Variants in DOCK8 observed in about 807,000 individuals in gnomAD.
The protein encoded by DOCK8 is dedicator of cytokinesis 8, also known as dedicator of cytokinesis protein 8.
A neutral mutation model predicts 245.6 loss-of-function variants in DOCK8; 141 were observed. The ratio of observed to expected loss-of-function variants is 0.57; its 90% CI spans 0.50 to 0.66. The LOEUF (loss-of-function observed/expected upper bound fraction) is 0.66. Ranked by LOEUF, DOCK8 falls within the 30% of genes least tolerant of loss-of-function variation. DOCK8 has a pLI of 0.00. For missense variants in DOCK8, 2,965 were observed against 2,603.4 expected (o/e 1.14, Z -3.02); for synonymous variants, 1,168 against 970.2 (o/e 1.20, Z -3.79).
intron 4 of DOCK8, among the ~76,000 whole-genome samples, chr9:293,679 C>G (rs2049138919): frequency 6.6e-6 from 1 of 152,256 alleles, no homozygotes; most frequent in South Asian, 2.1e-4. Flanking sequence ...TCCATCTGAT[C>G]CACAGAGGTT....
intron 1 of DOCK8, among the ~76,000 whole-genome samples, chr9:249,258 C>A (rs892125698): frequency 1.4e-4 from 21 of 151,834 alleles, no homozygotes; most frequent in African/African-American, 4.1e-4. Flanking sequence ...CCCAAGGTGC[C>A]ACGCCCAGTT....
At chr9:226,316 A>G (rs550016656) in intron 1 of DOCK8, among the ~76,000 whole-genome samples, 58 of 152,312 alleles carry the variant, frequency 3.8e-4, no homozygotes, top group African/African-American at 9.4e-4. Context: ...CCATGATTCA[A>G]TTATCTCGCA....
intron 1 of DOCK8, chr9:267,906 A>ACGGTGGGCCGGGCG: frequency 6.6e-6 from 1 of 152,224 alleles, no homozygotes; most frequent in East Asian, 1.9e-4. Flanking sequence ...TATGAATTCC[A>ACGGTGGGCCGGGCG]CGGTGTATAT....
intron 7 of DOCK8, among the ~76,000 whole-genome samples, chr9:324,009 C>T (rs1363877722): frequency 2.0e-5 from 3 of 152,190 alleles, no homozygotes; most frequent in East Asian, 1.9e-4. Context: ...CATCATTATA[C>T]GTGATCCTCA....
In DOCK8 at chr9:449,369, ATAAG is replaced by A. The variant is rs577635884; in HGVS notation, c.5818-409_5818-406del. 2.7e-3 allele frequency among the ~76,000 whole-genome samples: 337 copies of A among 125,622 alleles called. 4 individuals are homozygous for A. The highest frequency in any genetic ancestry group is 0.015 in the East Asian group (53 of 3,420). 82.4% of individuals were successfully genotyped at this position (125,622 alleles called of 152,430 possible). A position where few individuals can be genotyped will look rare whatever the true frequency, so the allele number is the denominator to read the frequency against. ...CCATCTCAAATAAATAAATAAATAAATAAGTAAGTTGAGTAACTTGCTCAGTAAT... is the reference window on the plus strand; with the variant it reads ...CCATCTCAAATAAATAAATAAATAAATAAGTTGAGTAACTTGCTCAGTAAT... On this transcript the variant is annotated intron_variant, in intron 44 of 47. Transcript: ENST00000432829.
chr9:345,426 A>C (rs542262774), intron 14 of DOCK8, among the ~76,000 whole-genome samples: 17 of 152,314 alleles, frequency 1.1e-4, no homozygotes, highest in Admixed American at 1.1e-3. Flanking sequence ...ATGTGCCCTT[A>C]ACATAAACTG....
At chr9:315,655 G>A (rs547518952) in intron 6 of DOCK8, among the ~76,000 whole-genome samples, 31 of 152,272 alleles carry the variant, frequency 2.0e-4, no homozygotes, top group African/African-American at 6.5e-4. Flanking sequence ...CCAGTATTGA[G>A]CGAGAAAGGT....
At position 402,818 on chromosome 9, in the gene DOCK8, C is replaced by T. The variant is rs148814392; in HGVS notation, c.3235-2100C>T. Among the ~76,000 whole-genome samples, 52 of 152,262 alleles carry T rather than the reference C, an allele frequency of 3.4e-4. No individual in the cohort carries two copies. The East Asian group carries it at 5.4e-3, about 16-fold the overall frequency. ...TGGGTAGGGGCATTGTGGGTCTTGACCTTTGGGAAGGAAGTTTTTGGAATG... is the reference window on the plus strand; with the variant it reads ...TGGGTAGGGGCATTGTGGGTCTTGATCTTTGGGAAGGAAGTTTTTGGAATG... On this transcript the variant is annotated intron_variant, in intron 26 of 47. Coordinates refer to ENST00000432829, the MANE Select transcript of DOCK8 (RefSeq NM_203447.4).
chr9:260,287 A>G (rs903301659), intron 1 of DOCK8, among the ~76,000 whole-genome samples: 3 of 152,162 alleles, frequency 2.0e-5, no homozygotes, highest in Non-Finnish European at 4.4e-5. Context: ...TCTTACAGTT[A>G]CCCTGTAAAC....
At chr9:460,789 C>A (rs939537193) in intron 46 of DOCK8, among the ~76,000 whole-genome samples, 1 of 152,216 alleles carries the variant, frequency 6.6e-6, no homozygotes, top group African/African-American at 2.4e-5. Flanking sequence ...CTATCCTCTT[C>A]CTCTTTGACT....
intron 26 of DOCK8, among the ~76,000 whole-genome samples, chr9:399,906 T>C (rs975005683): frequency 2.0e-5 from 3 of 151,662 alleles, no homozygotes; most frequent in African/African-American, 7.3e-5. Flanking sequence ...AGTACCATCA[T>C]TACTGCTACT....
At chr9:301,482 A>C (rs2049543247) in intron 4 of DOCK8, among the ~76,000 whole-genome samples, 1 of 152,256 alleles carries the variant, frequency 6.6e-6, no homozygotes, top group Non-Finnish European at 1.5e-5. Context: ...ATGGTACTGG[A>C]AGTGCTAGCC....
In DOCK8 at chr9:408,449, A is replaced by G. The variant is rs2055542762; in HGVS notation, c.3530+1380A>G. Among the ~76,000 whole-genome samples the G allele has an allele frequency of 2.0e-5, 3 of 152,172 alleles. No individual in the cohort carries two copies. In the South Asian group the frequency reaches 6.2e-4, roughly 32 times the overall value. On this transcript the variant is annotated intron_variant, in intron 28 of 47. Coordinates refer to ENST00000432829, the MANE Select transcript of DOCK8 (RefSeq NM_203447.4). ...CTTCACTTTCCATGGCTTCAATTCT[A>G]TCTTCTCTTCTCAACTCTAACTAAA...
chr9:360,321 T>TAA (rs775232037), intron 14 of DOCK8, among the ~76,000 whole-genome samples: 6,482 of 142,414 alleles, frequency 0.046, 198 homozygotes, highest in African/African-American at 0.076. Context: ...ATCTCAAAAT[T>TAA]TAAAAAAAAA....
rs1467506999 is a variant in DOCK8 at position 400,934 on chromosome 9, TCCACCACCACCATCACCACCA to T, written c.3234+1687_3234+1707del. Among the ~76,000 whole-genome samples, 25 of 20,538 alleles carry T rather than the reference TCCACCACCACCATCACCACCA, an allele frequency of 1.2e-3. 2 individuals are homozygous for T. Among genetic ancestry groups the T allele is most frequent in the South Asian group, 0.012 (8 of 660 alleles). 13.5% of individuals were successfully genotyped at this position (20,538 alleles called of 152,430 possible). ...CAGCTCCTTCACCATCACCACAACA[TCCACCACCACCATCACCACCA>T]CCACCACCACCTCCTCCACCATCAC... is the stretch of plus-strand genomic sequence containing the variant. On this transcript the variant is annotated intron_variant, in intron 26 of 47. Coordinates refer to ENST00000432829, the MANE Select transcript of DOCK8 (RefSeq NM_203447.4).
At chr9:273,486 A>C (rs1003493812) in intron 2 of DOCK8, among the ~76,000 whole-genome samples, 7 of 152,238 alleles carry the variant, frequency 4.6e-5, no homozygotes, top group Non-Finnish European at 1.0e-4. Flanking sequence ...AACATGCAAA[A>C]TTTAGTTTAA....
chr9:259,085 T>A (rs1312304275), intron 1 of DOCK8, among the ~76,000 whole-genome samples: 2 of 151,936 alleles, frequency 1.3e-5, no homozygotes, highest in African/African-American at 4.8e-5. Context: ...GGCAGGAGGA[T>A]CACCTGCATC....
At chr9:357,859 A>G (rs1301942174) in intron 14 of DOCK8, among the ~76,000 whole-genome samples, 1 of 152,202 alleles carries the variant, frequency 6.6e-6, no homozygotes, top group African/African-American at 2.4e-5. Context: ...TGATTTCTGA[A>G]GACAGAATGT....
intron 20 of DOCK8, among the ~76,000 whole-genome samples, chr9:378,251 G>C (rs2053597198): frequency 6.6e-6 from 1 of 152,224 alleles, no homozygotes; most frequent in Non-Finnish European, 1.5e-5. Context: ...CACATAAAGA[G>C]ATGGCCTTGA....
Sources: allele counts gnomAD v4.1 joint callset (sites outside exome capture counted in the v4.1 genomes callset), GRCh38; gene constraint gnomAD v4.1.1; transcripts MANE v1.5; gene names NCBI Gene and HGNC (gene_info 2026-07-23, HGNC 2026-07-21).